Variants in LAMB4 observed in about 807,000 individuals in gnomAD.
LAMB4 encodes the protein laminin subunit beta 4, also known as laminin subunit beta-4.
LAMB4 carries 196 observed loss-of-function variants against 199.2 expected under a neutral mutation model. The ratio of observed to expected loss-of-function variants is 0.98; its 90% CI spans 0.88 to 1.11. LAMB4 has a LOEUF of 1.11. LAMB4 is among the 50% of genes least tolerant of loss of function. The pLI, the probability that LAMB4 is intolerant of heterozygous loss-of-function variation, is 0.00. For missense variants in LAMB4, 2,080 were observed against 2,171.2 expected (o/e 0.96, Z 0.83); for synonymous variants, 744 against 770.6 (o/e 0.97, Z 0.57).
At chr7:108,057,683 A>G (rs1302301462) in intron 24 of LAMB4, 149 bp downstream of exon 24, 17 of 597,240 alleles carry the variant, frequency 2.8e-5, no homozygotes, top group South Asian at 2.8e-4. Flanking sequence ...GATTATTTTC[A>G]AAATGTAGAA....
At position 108,104,545 on chromosome 7, in the gene LAMB4, A is replaced by T; in HGVS notation, c.945T>A (p.Asp315Glu). Residue 315 changes from aspartate to glutamate, a missense_variant, in exon 9 of 34, where the codon GAT becomes GAA. Transcript: ENST00000388781. Reference protein sequence around the residue: ...NCERCKDFFQDAPWRPAADLQ... With the variant: ...NCERCKDFFQEAPWRPAADLQ... ...GGTCTGCAGCTGGCCTCCAAGGAGC[A>T]TCCTGGAAGAAGTCCTTGCATCTCT... 6.2e-7 allele frequency: 1 copy of T among 1,614,240 alleles called. No homozygotes were observed. The highest frequency in any genetic ancestry group is 8.5e-7 in the Non-Finnish European group (1 of 1,180,030).
chr7:108,089,657 A>AGTAAGAGTTGT (rs1411990957), intron 14 of LAMB4, among the ~76,000 whole-genome samples: 1 of 152,214 alleles, frequency 6.6e-6, no homozygotes, highest in African/African-American at 2.4e-5. Context: ...ATGGGTTAAG[A>AGTAAGAGTTGT]GTAAGAGTTG....
intron 31 of LAMB4, among the ~76,000 whole-genome samples, chr7:108,032,072 A>T (rs2035057650): frequency 6.6e-6 from 1 of 151,986 alleles, no homozygotes; most frequent in Non-Finnish European, 1.5e-5. Flanking sequence ...TTTGTTGTTC[A>T]TTATTTCTGA....
chr7:108,103,603 T>C (rs921514784), intron 9 of LAMB4, among the ~76,000 whole-genome samples: 2 of 152,204 alleles, frequency 1.3e-5, no homozygotes, highest in African/African-American at 4.8e-5. Flanking sequence ...TTACATGAAA[T>C]ATTCTGCATG....
At chr7:108,058,914 C>A (rs1057413959) in intron 23 of LAMB4, among the ~76,000 whole-genome samples, 1 of 152,096 alleles carries the variant, frequency 6.6e-6, no homozygotes, top group Non-Finnish European at 1.5e-5. Context: ...GCCTCAGCCT[C>A]CCAAAGTGCT....
At chr7:108,085,112 A>G (rs114447037) in intron 14 of LAMB4, among the ~76,000 whole-genome samples, 122 of 152,282 alleles carry the variant, frequency 8.0e-4, no homozygotes, top group African/African-American at 2.8e-3. Flanking sequence ...ACTAGAAGGA[A>G]AGAGAAAGAC....
intron 14 of LAMB4, among the ~76,000 whole-genome samples, chr7:108,091,141 C>T (rs899892519): frequency 4.6e-5 from 7 of 151,682 alleles, no homozygotes; most frequent in African/African-American, 1.7e-4. Flanking sequence ...GAGTCACACT[C>T]TTGAGAACCT....
At position 108,122,111 on chromosome 7, in the gene LAMB4, C is replaced by G. The variant is rs1357992055; in HGVS notation, c.34+1020G>C. The stretch of plus-strand genomic sequence containing the variant: ...AGATTGCTTCTCCAGAGAGAGGAGT[C>G]CCCTAATTGAGGAGGGCTCTCTCAG... On this transcript the variant is annotated intron_variant, in intron 2 of 33. Transcript: ENST00000388781. Among the ~76,000 whole-genome samples the G allele has an allele frequency of 3.3e-5, 5 of 152,262 alleles. No individual in the cohort carries two copies. The East Asian group carries it at 5.8e-4, about 18-fold the overall frequency.
intron 28 of LAMB4, among the ~76,000 whole-genome samples, chr7:108,044,699 C>T (rs995936459): frequency 6.6e-6 from 1 of 151,936 alleles, no homozygotes; most frequent in Non-Finnish European, 1.5e-5. Context: ...CGCCTGTAAT[C>T]CCCAGCACTT....
intron 1 of LAMB4, among the ~76,000 whole-genome samples, chr7:108,124,837 G>A (rs371772276): frequency 2.0e-5 from 3 of 151,998 alleles, no homozygotes; most frequent in Admixed American, 1.3e-4. Flanking sequence ...CAGTCCCTGC[G>A]CTCCAGCCTT....
chr7:108,060,803 C>G (rs2036133772), intron 23 of LAMB4, among the ~76,000 whole-genome samples: 1 of 152,172 alleles, frequency 6.6e-6, no homozygotes, highest in Admixed American at 6.5e-5. Flanking sequence ...AGACAAATCT[C>G]CAGTGCAGAA....
In LAMB4 at chr7:108,065,747, C is replaced by A; in HGVS notation, c.2836+15G>T. On this transcript the variant is annotated intron_variant, in intron 21 of 33. Transcript: ENST00000388781. ...GATAAAGAGAAAAAATTGCATCAAG[C>A]ACTATACTGCATACCCGTATAACCT... 1 of 1,606,592 alleles carries A rather than the reference C, an allele frequency of 6.2e-7. No homozygotes were observed. Among genetic ancestry groups the A allele is most frequent in the Non-Finnish European group, 8.5e-7 (1 of 1,175,090 alleles).
chr7:108,095,300 C>T lies in LAMB4; in HGVS notation c.1398G>A (p.Leu466=). The T allele has an allele frequency of 6.2e-7, 1 of 1,613,990 alleles. No homozygotes were observed. The highest frequency in any genetic ancestry group is 2.2e-5 in the East Asian group (1 of 44,888). The stretch of plus-strand genomic sequence containing the variant: ...ATTGGCCTGTATCCACATCACAGGT[C>T]AAGAATGGCAGACTCCCAAGGGGGT... ...DCNPLGSLPF[L]TCDVDTGQCL... The change falls in exon 12 of 34, where the codon TTG becomes TTA. Residue 466 remains leucine (L), a synonymous_variant. Coordinates refer to ENST00000388781, the MANE Select transcript of LAMB4 (RefSeq NM_007356.3).
intron 14 of LAMB4, among the ~76,000 whole-genome samples, chr7:108,084,975 G>A (rs572226557): frequency 8.8e-4 from 133 of 151,928 alleles, no homozygotes; most frequent in African/African-American, 2.9e-3. Context: ...CTGGGCTCAA[G>A]TAATCCTCCC....
chr7:108,098,194 G>T (rs577273548), intron 11 of LAMB4, among the ~76,000 whole-genome samples: 1 of 152,238 alleles, frequency 6.6e-6, no homozygotes, highest in African/African-American at 2.4e-5. Flanking sequence ...TTATCTGGGC[G>T]TGGTGGTGGT....
At chr7:108,129,562 G>T (rs1338461321) in intron 1 of LAMB4, among the ~76,000 whole-genome samples, 2 of 148,046 alleles carry the variant, frequency 1.4e-5, no homozygotes, top group African/African-American at 2.5e-5. Context: ...TTTGGAGACA[G>T]AGTCTTCCTC....
At chr7:108,066,020 T>C (rs768184816) in intron 20 of LAMB4, 101 bp from the exon 21 acceptor site, 1 of 1,171,018 alleles carries the variant, frequency 8.5e-7, no homozygotes, top group Admixed American at 2.5e-5. Context: ...CTCTGAAAAC[T>C]GAATATTTTA....
At chr7:108,070,379 G>A (rs1371043663) in intron 17 of LAMB4, among the ~76,000 whole-genome samples, 1 of 152,224 alleles carries the variant, frequency 6.6e-6, no homozygotes, top group Non-Finnish European at 1.5e-5. Flanking sequence ...CCCAGCTGGT[G>A]GCATCACAAC....
chr7:108,064,097 A>G, intron 21 of LAMB4, 112 bp from the exon 22 acceptor site: 1 of 752,124 alleles, frequency 1.3e-6, no homozygotes. Flanking sequence ...ATAATGAGAA[A>G]TCACACATTC....
Sources: allele counts gnomAD v4.1 joint callset (sites outside exome capture counted in the v4.1 genomes callset), GRCh38; gene constraint gnomAD v4.1.1; transcripts MANE v1.5; gene names NCBI Gene and HGNC (gene_info 2026-07-23, HGNC 2026-07-21).